Variants in SPAG16 observed in about 807,000 individuals in gnomAD.
The protein encoded by SPAG16 is sperm-associated antigen 16 protein.
In SPAG16, 86 loss-of-function variants were observed where a neutral mutation model predicts 80.4. That is an observed-to-expected ratio of 1.07 (90% CI 0.90 to 1.28). The LOEUF (loss-of-function observed/expected upper bound fraction) is 1.28. SPAG16 is among the 50% of genes most tolerant of loss of function. The probability of loss-of-function intolerance (pLI) is 0.00; values close to 1 mark genes in which losing one functional copy is unlikely to be tolerated. For synonymous variants in SPAG16, 294 were observed against 265.9 expected, an observed-to-expected ratio of 1.11 and a Z score of -1.03; for missense variants, 870 against 765.3, an observed-to-expected ratio of 1.14 and a Z score of -1.61.
intron 9 of SPAG16, among the ~76,000 whole-genome samples, chr2:213,443,354 G>A (rs995551211): frequency 1.3e-5 from 2 of 151,954 alleles, no homozygotes; most frequent in Non-Finnish European, 2.9e-5. Flanking sequence ...CTCTGTTTCT[G>A]TTTTCAACTT....
rs1054557173 is a variant in SPAG16 at position 213,856,746 on chromosome 2, G to A, written c.1071-5739G>A. ...AGTCATTGCTGGGATGCAGGGCACC[G>A]AGTCCCAAGACTGCACAAAGCAGCA... On this transcript the variant is annotated intron_variant, in intron 10 of 15. Coordinates refer to ENST00000331683, the MANE Select transcript of SPAG16 (RefSeq NM_024532.5). Among the ~76,000 whole-genome samples the A allele has an allele frequency of 5.3e-5, 8 of 152,162 alleles. No homozygotes were observed. In the South Asian group the frequency reaches 6.2e-4, roughly 12 times the overall value.
At position 213,474,925 on chromosome 2, in the gene SPAG16, C is replaced by T. The variant is rs77567507; in HGVS notation, c.943-15038C>T. 8.6e-3 allele frequency among the ~76,000 whole-genome samples: 1,306 copies of T among 152,268 alleles called. 17 individuals carry two copies. Among genetic ancestry groups the T allele is most frequent in the African/African-American group, 0.029 (1,223 of 41,534 alleles). On this transcript the variant is annotated intron_variant, in intron 9 of 15. Transcript: ENST00000331683. Reference sequence around the variant, plus strand: ...ACACCCCAGATTAATACTTTGCCTCCTTCAATTCACTGAAGTTGACACTCA... The same window carrying T: ...ACACCCCAGATTAATACTTTGCCTCTTTCAATTCACTGAAGTTGACACTCA...
At chr2:214,323,531 A>G (rs925664643) in intron 15 of SPAG16, among the ~76,000 whole-genome samples, 2 of 152,080 alleles carry the variant, frequency 1.3e-5, no homozygotes, top group Admixed American at 6.6e-5. Flanking sequence ...CAAGCTGGCC[A>G]CCCCTAAGTG....
At chr2:213,857,907 G>A (rs1416069228) in intron 10 of SPAG16, among the ~76,000 whole-genome samples, 5 of 152,134 alleles carry the variant, frequency 3.3e-5, no homozygotes, top group African/African-American at 1.2e-4. Flanking sequence ...GGATGACTTT[G>A]AGAGGTTCAA....
At chr2:213,606,864 G>C (rs554143279) in intron 10 of SPAG16, among the ~76,000 whole-genome samples, 1 of 152,132 alleles carries the variant, frequency 6.6e-6, no homozygotes, top group South Asian at 2.1e-4. Flanking sequence ...TCACCATCTT[G>C]GCATCAGAAA....
rs112800572 is a variant in SPAG16 at position 213,594,771 on chromosome 2, T to C, written c.1070+104681T>C. Among the ~76,000 whole-genome samples the C allele has an allele frequency of 1.5e-3, 236 of 152,318 alleles. 3 individuals carry two copies. Among genetic ancestry groups the C allele is most frequent in the African/African-American group, 4.6e-3 (193 of 41,564 alleles). ...ACACACAGGAGACAATTAACAGATG[T>C]TTGCGAACTGACACAAACTTTTTCA... is the stretch of plus-strand genomic sequence containing the variant. On this transcript the variant is annotated intron_variant, in intron 10 of 15. Coordinates refer to ENST00000331683, the MANE Select transcript of SPAG16 (RefSeq NM_024532.5).
At chr2:213,609,862 G>C (rs546715016) in intron 10 of SPAG16, among the ~76,000 whole-genome samples, 2 of 152,078 alleles carry the variant, frequency 1.3e-5, no homozygotes, top group African/African-American at 4.8e-5. Flanking sequence ...TTTATTCATA[G>C]CTTCTTCAGG....
chr2:214,006,451 A>G (rs938855736), intron 12 of SPAG16, among the ~76,000 whole-genome samples: 8 of 152,332 alleles, frequency 5.3e-5, no homozygotes, highest in African/African-American at 9.6e-5. Context: ...AGAAATATTT[A>G]TCATTCAGTT....
At chr2:213,369,759 A>G (rs909223892) in intron 8 of SPAG16, among the ~76,000 whole-genome samples, 2 of 152,138 alleles carry the variant, frequency 1.3e-5, no homozygotes, top group Non-Finnish European at 2.9e-5. Context: ...GTTTATAGCA[A>G]AATTGAGTGG....
intron 15 of SPAG16, among the ~76,000 whole-genome samples, chr2:214,228,631 C>A (rs1012790870): frequency 6.6e-6 from 1 of 151,736 alleles, no homozygotes; most frequent in African/African-American, 2.4e-5. Flanking sequence ...TCTATCACCC[C>A]AGAACTTCTG....
At chr2:213,740,938 T>C (rs934561119) in intron 10 of SPAG16, among the ~76,000 whole-genome samples, 1 of 152,230 alleles carries the variant, frequency 6.6e-6, no homozygotes, top group African/African-American at 2.4e-5. Flanking sequence ...AAATTAACTG[T>C]TCTTTCAACC....
At chr2:213,847,770 C>A (rs2074704438) in intron 10 of SPAG16, among the ~76,000 whole-genome samples, 2 of 152,116 alleles carry the variant, frequency 1.3e-5, no homozygotes, top group Admixed American at 1.3e-4. Flanking sequence ...GAGAGAGAAA[C>A]ACTACAGCAA....
At chr2:213,435,784 A>G (rs1462499956) in intron 9 of SPAG16, among the ~76,000 whole-genome samples, 3 of 152,196 alleles carry the variant, frequency 2.0e-5, no homozygotes, top group Non-Finnish European at 4.4e-5. Flanking sequence ...ATCAGTTTTA[A>G]TGTGTTCCAT....
chr2:213,695,708 A>C (rs2065128463), intron 10 of SPAG16, among the ~76,000 whole-genome samples: 2 of 152,208 alleles, frequency 1.3e-5, no homozygotes, highest in Non-Finnish European at 2.9e-5. Flanking sequence ...CGTAGAGGAG[A>C]AGCATGTGAA....
At chr2:213,971,932 G>A (rs1334137745) in intron 12 of SPAG16, among the ~76,000 whole-genome samples, 1 of 150,102 alleles carries the variant, frequency 6.7e-6, no homozygotes, top group Non-Finnish European at 1.5e-5. Flanking sequence ...ATCTAATTGT[G>A]TGTGTGTGTG....
chr2:214,316,534 C>A (rs1695705323), intron 15 of SPAG16, among the ~76,000 whole-genome samples: 1 of 152,106 alleles, frequency 6.6e-6, no homozygotes, highest in African/African-American at 2.4e-5. Flanking sequence ...TTTATAAGGA[C>A]CCGCGATGAA....
At chr2:213,870,092 A>C (rs2075888996) in intron 11 of SPAG16, among the ~76,000 whole-genome samples, 2 of 152,154 alleles carry the variant, frequency 1.3e-5, no homozygotes, top group Non-Finnish European at 2.9e-5. Flanking sequence ...GTTTGTATTC[A>C]TAGTTAAATT....
intron 12 of SPAG16, among the ~76,000 whole-genome samples, chr2:213,980,706 G>GTATATATATATATATATA (rs1277138033): frequency 1.3e-5 from 1 of 77,554 alleles, no homozygotes; most frequent in South Asian, 8.0e-4. Context: ...ATGTGTGTGT[G>GTATATATATATATATATA]TGTGTGTATA....
chr2:213,845,848 G>T (rs2074595760), intron 10 of SPAG16, among the ~76,000 whole-genome samples: 1 of 152,112 alleles, frequency 6.6e-6, no homozygotes, highest in East Asian at 1.9e-4. Flanking sequence ...AGCTGGTTTG[G>T]TTTGAGGTGA....
Sources: gnomAD v4.1 joint callset for allele counts (sites outside exome capture counted in the v4.1 genomes callset) on GRCh38, gnomAD v4.1.1 for gene constraint, MANE v1.5 for transcripts, NCBI Gene and HGNC (gene_info 2026-07-23, HGNC 2026-07-21) for gene names.